Variants in DPYD observed in about 807,000 individuals in gnomAD.
DPYD encodes the protein dihydropyrimidine dehydrogenase.
In DPYD, 109 loss-of-function variants were observed where a neutral mutation model predicts 116.2. The observed-to-expected ratio is 0.94, with a 90% CI of 0.80 to 1.10. DPYD has a LOEUF of 1.10. Among genes scored for constraint, DPYD ranks in the 50% least tolerant of loss-of-function variants. DPYD has a pLI of 0.00. For missense variants in DPYD, 1,302 were observed against 1,254.5 expected (o/e 1.04, Z -0.57); for synonymous variants, 440 against 432.0 (o/e 1.02, Z -0.23).
At chr1:97,388,828 C>T (rs930966979) in intron 14 of DPYD, among the ~76,000 whole-genome samples, 3 of 151,908 alleles carry the variant, frequency 2.0e-5, no homozygotes, top group Non-Finnish European at 2.9e-5. Flanking sequence ...TGTTTTTACA[C>T]TAGTGAAAAT....
At chr1:97,517,601 A>C (rs1209719569) in intron 12 of DPYD, among the ~76,000 whole-genome samples, 1 of 152,138 alleles carries the variant, frequency 6.6e-6, no homozygotes, top group Non-Finnish European at 1.5e-5. Flanking sequence ...TGGTCCCACT[A>C]ACCAGCCTCT....
chr1:97,891,987 C>T (rs1672801061), intron 1 of DPYD, among the ~76,000 whole-genome samples: 1 of 151,794 alleles, frequency 6.6e-6, no homozygotes, highest in Non-Finnish European at 1.5e-5. Flanking sequence ...AGATGATAAA[C>T]TAAGTTTTGT....
chr1:97,546,120 G>A, intron 12 of DPYD: 2 of 1,424,798 alleles, frequency 1.4e-6, no homozygotes, highest in Non-Finnish European at 2.0e-6. Context: ...AACAATGGCT[G>A]AAGTATTTGA....
At chr1:97,818,338 ATAAT>A (rs1220273513) in intron 3 of DPYD, among the ~76,000 whole-genome samples, 34 of 152,162 alleles carry the variant, frequency 2.2e-4, no homozygotes, top group Non-Finnish European at 3.4e-4. Context: ...TCATAAATAA[ATAAT>A]TAATAACAAT....
At chr1:97,463,231 T>A (rs569902153) in intron 13 of DPYD, among the ~76,000 whole-genome samples, 27 of 152,250 alleles carry the variant, frequency 1.8e-4, no homozygotes, top group African/African-American at 6.0e-4. Flanking sequence ...AACAGAATCA[T>A]GGGGCAAGTC....
intron 5 of DPYD, chr1:97,720,721 C>A: frequency 7.1e-7 from 1 of 1,418,068 alleles, no homozygotes; most frequent in Non-Finnish European, 9.2e-7. Context: ...TCTAGGTTGA[C>A]GGGCACTTAA....
intron 20 of DPYD, among the ~76,000 whole-genome samples, chr1:97,118,586 C>T (rs980044168): frequency 1.3e-5 from 2 of 152,138 alleles, no homozygotes; most frequent in African/African-American, 4.8e-5. Flanking sequence ...TGCCTGGAAA[C>T]AGCAGTGCCC....
rs978695048 is a variant in DPYD at position 97,718,511 on chromosome 1, T to C, written c.483+2999A>G. On this transcript the variant is annotated intron_variant, in intron 5 of 22. Coordinates refer to ENST00000370192, the MANE Select transcript of DPYD (RefSeq NM_000110.4). ...TTTAGATGTCAATATCATAATCCAGTATATTCCTGAAAATTCAGAATTGAG... is the reference window on the plus strand; with the variant it reads ...TTTAGATGTCAATATCATAATCCAGCATATTCCTGAAAATTCAGAATTGAG... Among the ~76,000 whole-genome samples the C allele has an allele frequency of 2.6e-5, 4 of 151,998 alleles. No homozygotes were observed. The East Asian group carries it at 7.7e-4, about 29-fold the overall frequency.
At chr1:97,450,557 G>A (rs1242736904) in intron 13 of DPYD, among the ~76,000 whole-genome samples, 3 of 151,882 alleles carry the variant, frequency 2.0e-5, no homozygotes, top group Non-Finnish European at 4.4e-5. Context: ...TAGGTAAAAT[G>A]CAAAAGTTTA....
chr1:97,271,495 C>G (rs750075239), intron 18 of DPYD, among the ~76,000 whole-genome samples: 1 of 152,090 alleles, frequency 6.6e-6, no homozygotes. Flanking sequence ...CACCTGTCCT[C>G]TTAGAAGAGG....
At chr1:97,317,285 C>T (rs1224883646) in intron 16 of DPYD, among the ~76,000 whole-genome samples, 1 of 151,924 alleles carries the variant, frequency 6.6e-6, no homozygotes, top group African/African-American at 2.4e-5. Flanking sequence ...AGGTCATGTA[C>T]ACATTTTCCT....
chr1:97,155,005 C>T (rs1159846277), intron 20 of DPYD, among the ~76,000 whole-genome samples: 1 of 152,152 alleles, frequency 6.6e-6, no homozygotes, highest in African/African-American at 2.4e-5. Flanking sequence ...TTACTTGTGT[C>T]ATTGCAAAAA....
At chr1:97,397,124 T>A (rs185413826) in intron 14 of DPYD, among the ~76,000 whole-genome samples, 1 of 152,068 alleles carries the variant, frequency 6.6e-6, no homozygotes, top group Non-Finnish European at 1.5e-5. Flanking sequence ...GATGGCTTAT[T>A]ATTAATAAAT....
At chr1:97,802,481 A>G (rs1397223183) in intron 3 of DPYD, among the ~76,000 whole-genome samples, 1 of 151,890 alleles carries the variant, frequency 6.6e-6, no homozygotes, top group Non-Finnish European at 1.5e-5. Flanking sequence ...TTGGACTTAC[A>G]CAATAAGAAA....
At chr1:97,283,444 G>T (rs1376487648) in intron 18 of DPYD, among the ~76,000 whole-genome samples, 1 of 151,938 alleles carries the variant, frequency 6.6e-6, no homozygotes, top group Non-Finnish European at 1.5e-5. Flanking sequence ...TGAAAAAGTT[G>T]CTTAGTGATT....
Position 97,494,748 on chromosome 1 carries a change from GA to G in DPYD, c.1740+20977del, listed in dbSNP as rs953234294. Reference sequence around the variant, plus strand: ...CAGAGTGAAAGTTTGTCTCAAAAAAGAAAACACACACACACACACACACACA... The same window carrying G: ...CAGAGTGAAAGTTTGTCTCAAAAAAGAAACACACACACACACACACACACA... On this transcript the variant is annotated intron_variant, in intron 13 of 22. Transcript: ENST00000370192. 1.9e-4 allele frequency among the ~76,000 whole-genome samples: 20 copies of G among 106,742 alleles called. 1 individual carries two copies. The highest frequency in any genetic ancestry group is 1.5e-3 in the Admixed American group (15 of 10,114). The allele number at this position is 106,742 out of a possible 152,430, so 70.0% of individuals were successfully genotyped here.
intron 12 of DPYD, among the ~76,000 whole-genome samples, chr1:97,538,758 C>A (rs112814770): frequency 3.3e-5 from 5 of 152,286 alleles, no homozygotes; most frequent in African/African-American, 1.2e-4. Context: ...ACTGAAGATA[C>A]TTGTGCTTCA....
At chr1:97,546,151 C>A in intron 12 of DPYD, 1 of 1,424,146 alleles carries the variant, frequency 7.0e-7, no homozygotes, top group East Asian at 2.3e-5. Context: ...TCCTTCTGTG[C>A]TGCAGAGGAA....
chr1:97,317,688 C>A (rs948648715), intron 16 of DPYD, among the ~76,000 whole-genome samples: 19 of 151,904 alleles, frequency 1.3e-4, no homozygotes, highest in Non-Finnish European at 2.2e-4. Context: ...GAATGATTAA[C>A]CAACACAGGG....
Sources: allele counts gnomAD v4.1 joint callset (sites outside exome capture counted in the v4.1 genomes callset), GRCh38; gene constraint gnomAD v4.1.1; transcripts MANE v1.5; gene names NCBI Gene and HGNC (gene_info 2026-07-23, HGNC 2026-07-21).